PDZRN3: variants seen among roughly 807,000 people sequenced by gnomAD.
PDZRN3 encodes the protein PDZ domain containing ring finger 3.
In PDZRN3, 38 loss-of-function variants were observed where a neutral mutation model predicts 85.7. The observed-to-expected ratio is 0.44, with a 90% CI of 0.34 to 0.58. The LOEUF (loss-of-function observed/expected upper bound fraction) is 0.58, where lower values mean the gene tolerates loss of function less well. Ranked by LOEUF, PDZRN3 falls within the 20% of genes least tolerant of loss-of-function variation. PDZRN3 has a pLI of 0.01. For synonymous variants in PDZRN3, 759 were observed against 638.0 expected, an observed-to-expected ratio of 1.19 and a Z score of -2.86; for missense variants, 1,629 against 1,506.4, an observed-to-expected ratio of 1.08 and a Z score of -1.35.
intron 3 of PDZRN3, among the ~76,000 whole-genome samples, chr3:73,530,654 T>C (rs1575713555): frequency 6.6e-6 from 1 of 152,206 alleles, no homozygotes; most frequent in Admixed American, 6.5e-5. Context: ...TGTTTTTTGT[T>C]TATTTTTTAA....
chr3:73,437,649 T>C (rs1702556421), intron 3 of PDZRN3, among the ~76,000 whole-genome samples: 1 of 152,184 alleles, frequency 6.6e-6, no homozygotes, highest in African/African-American at 2.4e-5. Flanking sequence ...TAATATGTGT[T>C]ATTTGGAATA....
chr3:73,480,739 C>A (rs1703546162), intron 3 of PDZRN3, among the ~76,000 whole-genome samples: 1 of 152,188 alleles, frequency 6.6e-6, no homozygotes. Flanking sequence ...TCTCTGGCAT[C>A]CGGTACAACA....
chr3:73,391,155 G>A (rs1701519390), intron 5 of PDZRN3, 39 bp from the exon 6 acceptor site: 2 of 1,243,026 alleles, frequency 1.6e-6, no homozygotes, highest in Admixed American at 1.8e-5. Context: ...ACTCCAGCAG[G>A]CAATGCGAGT....
intron 4 of PDZRN3, among the ~76,000 whole-genome samples, 200 bp downstream of exon 4, chr3:73,403,948 G>C (rs951089940): frequency 1.3e-5 from 2 of 152,184 alleles, no homozygotes; most frequent in Non-Finnish European, 2.9e-5. Flanking sequence ...GTCCGCTCCA[G>C]GGTTATAATA....
chr3:73,475,025 C>T (rs1223965634), intron 3 of PDZRN3, among the ~76,000 whole-genome samples: 2 of 151,930 alleles, frequency 1.3e-5, no homozygotes, highest in Non-Finnish European at 2.9e-5. Flanking sequence ...AATATTTCAC[C>T]ATTATATTAT....
chr3:73,405,980 T>C (rs1325890271), intron 3 of PDZRN3, among the ~76,000 whole-genome samples: 1 of 152,190 alleles, frequency 6.6e-6, no homozygotes, highest in Non-Finnish European at 1.5e-5. Flanking sequence ...GGTTGAGAAA[T>C]AGATGTTGAA....
At chr3:73,419,267 T>G (rs373385061) in intron 3 of PDZRN3, among the ~76,000 whole-genome samples, 1 of 152,062 alleles carries the variant, frequency 6.6e-6, no homozygotes, top group East Asian at 1.9e-4. Flanking sequence ...TTATGTCAAA[T>G]GTAAGGCTGG....
intron 3 of PDZRN3, among the ~76,000 whole-genome samples, chr3:73,561,776 C>T (rs1001389735): frequency 6.6e-6 from 1 of 152,052 alleles, no homozygotes; most frequent in African/African-American, 2.4e-5. Context: ...GTGTTTGGGC[C>T]AGAACTCCTG....
chr3:73,536,298 T>C (rs4234172), intron 3 of PDZRN3, among the ~76,000 whole-genome samples: 73,070 of 152,078 alleles, frequency 0.48, 17,767 homozygotes, highest in Middle Eastern at 0.54. Flanking sequence ...CCATTCCATA[T>C]TCTCCTGGTG....
chr3:73,570,246 AAAAC>A (rs1702026082), intron 3 of PDZRN3, among the ~76,000 whole-genome samples: 1 of 152,346 alleles, frequency 6.6e-6, no homozygotes, highest in African/African-American at 2.4e-5. Context: ...AATGAATGAA[AAAAC>A]AAATAAATGA....
intron 2 of PDZRN3, among the ~76,000 whole-genome samples, chr3:73,602,730 T>C (rs535595615): frequency 1.3e-5 from 2 of 152,378 alleles, no homozygotes; most frequent in East Asian, 3.9e-4. Flanking sequence ...TATTTGACTT[T>C]ATGCATCCTT....
intron 3 of PDZRN3, among the ~76,000 whole-genome samples, chr3:73,528,850 G>A (rs991386761): frequency 6.6e-6 from 1 of 151,726 alleles, no homozygotes; most frequent in African/African-American, 2.4e-5. Flanking sequence ...GCAAGGTAAA[G>A]TGGACACATT....
In PDZRN3 at chr3:73,383,494, C is replaced by G. The variant is rs767607482; in HGVS notation, c.3072G>C (p.Lys1024Asn). The G allele has an allele frequency of 5.0e-6, 8 of 1,614,154 alleles. No homozygotes were observed. Among genetic ancestry groups the G allele is most frequent in the Non-Finnish European group, 6.8e-6 (8 of 1,180,002 alleles). ...EMNILELSHKKMMKKRNKKIF... is the reference protein window; with the variant it reads ...EMNILELSHKNMMKKRNKKIF... ...TTTTCTTATTCCTCTTCTTCATCATCTTTTTGTGGCTCAGTTCGAGAATGT... is the reference window on the plus strand; with the variant it reads ...TTTTCTTATTCCTCTTCTTCATCATGTTTTTGTGGCTCAGTTCGAGAATGT... The change falls in exon 10 of 10, where the codon AAG (lysine) becomes AAC (asparagine). Residue 1024 changes from lysine to asparagine, a missense_variant. Physicochemically the swap from Lys to Asn is moderately conservative, Grantham distance 94 (BLOSUM62 0). Transcript: ENST00000263666.
chr3:73,394,915 C>A (rs1476439211), intron 5 of PDZRN3, among the ~76,000 whole-genome samples: 1 of 152,156 alleles, frequency 6.6e-6, no homozygotes, highest in Non-Finnish European at 1.5e-5. Context: ...TTATGGTTTA[C>A]CTTGTTTTCT....
chr3:73,521,776 T>G (rs2106730790), intron 3 of PDZRN3, among the ~76,000 whole-genome samples: 1 of 152,218 alleles, frequency 6.6e-6, no homozygotes, highest in East Asian at 1.9e-4. Flanking sequence ...TGTCTCTGTA[T>G]CTTTCCTGCC....
rs79946069 is a variant in PDZRN3 at position 73,614,792 on chromosome 3, C to A, written c.724-6108G>T. Among the ~76,000 whole-genome samples the A allele has an allele frequency of 1.1e-4, 16 of 152,280 alleles. No homozygotes were observed. In the East Asian group the frequency reaches 3.1e-3, roughly 29 times the overall value. ...CTGAAGAATTGCTGATGTCTTCACT[C>A]CCTATGCTCAGATGCTTTTGTCCTC... is the stretch of plus-strand genomic sequence containing the variant. On this transcript the variant is annotated intron_variant, in intron 1 of 9. Coordinates refer to ENST00000263666, the MANE Select transcript of PDZRN3 (RefSeq NM_015009.3).
intron 1 of PDZRN3, chr3:73,621,811 C>A (rs1054977890): frequency 3.9e-4 from 59 of 152,326 alleles, no homozygotes; most frequent in African/African-American, 1.2e-3. Context: ...AAATCAACAT[C>A]TTGTCTCTAA....
intron 3 of PDZRN3, among the ~76,000 whole-genome samples, chr3:73,595,318 T>C (rs1374138863): frequency 6.6e-6 from 1 of 152,196 alleles, no homozygotes; most frequent in East Asian, 1.9e-4. Flanking sequence ...ATAACATGAA[T>C]AGGTTTTACT....
chr3:73,558,242 A>C (rs1701743006), intron 3 of PDZRN3, among the ~76,000 whole-genome samples: 1 of 150,252 alleles, frequency 6.7e-6, no homozygotes. Flanking sequence ...AAAATCCAGG[A>C]GCATATCTGG....
Sources: allele counts gnomAD v4.1 joint callset (sites outside exome capture counted in the v4.1 genomes callset), GRCh38; gene constraint gnomAD v4.1.1; transcripts MANE v1.5; gene names NCBI Gene and HGNC (gene_info 2026-07-23, HGNC 2026-07-21).